The following PFKP variants were observed in gnomAD, a reference collection of about 807,000 sequenced individuals.
PFKP encodes ATP-dependent 6-phosphofructokinase, platelet type.
In PFKP, 101 loss-of-function variants were observed where a neutral mutation model predicts 94.3. The observed-to-expected ratio is 1.07, with a 90% CI of 0.91 to 1.26. The LOEUF is 1.26. PFKP is among the 50% of genes most tolerant of loss of function. The pLI is 0.00. For synonymous variants in PFKP, 573 were observed against 432.6 expected (o/e 1.32, Z -4.03); for missense variants, 1,145 against 1,103.3 (o/e 1.04, Z -0.53).
At chr10:3,134,229 T>A (rs1354967444) in intron 19 of PFKP, among the ~76,000 whole-genome samples, 1 of 152,196 alleles carries the variant, frequency 6.6e-6, no homozygotes, top group Non-Finnish European at 1.5e-5. Flanking sequence ...TGATTTAAGA[T>A]TTTAAAATAA....
intron 1 of PFKP, among the ~76,000 whole-genome samples, chr10:3,072,042 A>G (rs11598339): frequency 0.49 from 74,435 of 152,094 alleles, 19,154 homozygotes; most frequent in Non-Finnish European, 0.57. Flanking sequence ...GCCCAGCACC[A>G]TGCCTGGCGC....
chr10:3,120,132 T>C (rs1837254185), intron 16 of PFKP, 88 bp downstream of exon 16: 1 of 1,056,672 alleles, frequency 9.5e-7, no homozygotes. Flanking sequence ...GCGCTAGAAA[T>C]AGCCTTTTAC....
At chr10:3,081,288 C>T (rs866796105) in intron 1 of PFKP, among the ~76,000 whole-genome samples, 58 of 152,228 alleles carry the variant, frequency 3.8e-4, no homozygotes, top group Admixed American at 1.1e-3. Flanking sequence ...TCTTCTGAGC[C>T]GGTCACCGTC....
chr10:3,134,936 T>C (rs1839053707), intron 20 of PFKP, among the ~76,000 whole-genome samples: 1 of 152,262 alleles, frequency 6.6e-6, no homozygotes, highest in Non-Finnish European at 1.5e-5. Flanking sequence ...AACCTCCTTG[T>C]GACTATCCAT....
intron 11 of PFKP, 94 bp downstream of exon 11, chr10:3,112,380 T>A (rs755593624): frequency 3.4e-5 from 32 of 929,930 alleles, no homozygotes; most frequent in Non-Finnish European, 5.7e-5. Context: ...GCTTATTCCA[T>A]GTCACTGTGA....
At chr10:3,076,299 G>A (rs914704358) in intron 1 of PFKP, among the ~76,000 whole-genome samples, 1 of 152,082 alleles carries the variant, frequency 6.6e-6, no homozygotes, top group Non-Finnish European at 1.5e-5. Flanking sequence ...GTGTTTTTGC[G>A]AAGGCTCTGA....
intron 2 of PFKP, among the ~76,000 whole-genome samples, chr10:3,093,876 C>A (rs1220291418): frequency 6.6e-6 from 1 of 152,136 alleles, no homozygotes; most frequent in African/African-American, 2.4e-5. Context: ...ATCTCCTGAC[C>A]TTGTGATCCG....
At chr10:3,098,040 TATA>T (rs1285726103) in intron 2 of PFKP, among the ~76,000 whole-genome samples, 1 of 152,112 alleles carries the variant, frequency 6.6e-6, no homozygotes, top group East Asian at 1.9e-4. Flanking sequence ...CACATATATA[TATA>T]ATATTTCTGG....
In PFKP at chr10:3,109,428, C is replaced by G; in HGVS notation, c.1037C>G (p.Ser346Ter). The G allele has an allele frequency of 6.2e-7, 1 of 1,609,232 alleles. No individual in the cohort carries two copies. The change falls in exon 10 of 22, where the codon TCA (serine) becomes TGA (stop). Residue 346 changes from serine (S) to a stop codon, truncating the protein, a stop_gained. Transcript: ENST00000381125. LOFTEE classifies it high-confidence loss of function. ...ATPDTPACVV[S>*]LNGNHAVRLP... is the part of the protein sequence containing the mutation. The stretch of plus-strand genomic sequence containing the variant: ...CCGGACACCCCAGCTTGCGTCGTGT[C>G]ACTGAACGGGAACCACGCCGTGCGC...
At chr10:3,102,245 T>G (rs1169255575) in intron 4 of PFKP, among the ~76,000 whole-genome samples, 1 of 38,918 alleles carries the variant, frequency 2.6e-5, no homozygotes, top group Non-Finnish European at 5.7e-5. Flanking sequence ...AGCGAGACTC[T>G]GTCTCAAAAA....
At chr10:3,096,175 A>T (rs1297523529) in intron 2 of PFKP, among the ~76,000 whole-genome samples, 1 of 152,160 alleles carries the variant, frequency 6.6e-6, no homozygotes, top group Non-Finnish European at 1.5e-5. Flanking sequence ...ATGGCATATT[A>T]ACTAGTAAAA....
chr10:3,100,885 C>T (rs748301379), intron 3 of PFKP: 3 of 899,080 alleles, frequency 3.3e-6, no homozygotes, highest in Admixed American at 5.0e-5. Context: ...AAAAAAAATC[C>T]CCCTGGCCCC....
chr10:3,069,081 C>T (rs1831975624), intron 1 of PFKP, among the ~76,000 whole-genome samples: 1 of 151,348 alleles, frequency 6.6e-6, no homozygotes, highest in Non-Finnish European at 1.5e-5. Context: ...CTCCACGAGC[C>T]CCGGCCCCGA....
chr10:3,121,793 C>CT lies in PFKP; in HGVS notation c.1683+1758dup, dbSNP rs140725084. 8.7e-4 allele frequency among the ~76,000 whole-genome samples: 84 copies of CT among 96,838 alleles called. 2 individuals are homozygous for CT. In the East Asian group the frequency reaches 0.015, roughly 17 times the overall value. 63.5% of individuals were successfully genotyped at this position (96,838 alleles called of 152,430 possible). A position where few individuals can be genotyped will look rare whatever the true frequency, so the allele number is the denominator to read the frequency against. ...TTCTCGAAGCTAGGTTAAACAATTT[C>CT]TTTTTTTTTCTTTTTTTTTTTTTTT... On this transcript the variant is annotated intron_variant, in intron 16 of 21. Transcript: ENST00000381125.
At position 3,082,805 on chromosome 10, in the gene PFKP, T is replaced by C. The variant is rs147913412; in HGVS notation, c.186+344T>C. Among the ~76,000 whole-genome samples, 3 of 152,302 alleles carry C rather than the reference T, an allele frequency of 2.0e-5. No individual in the cohort carries two copies. In the East Asian group the frequency reaches 5.8e-4, roughly 29 times the overall value. ...ACGATCTTGGCTCACTGCAACCTGC[T>C]GGGTTCAAGCAATTTTCTGCCTCAG... is the stretch of plus-strand genomic sequence containing the variant. On this transcript the variant is annotated intron_variant, in intron 2 of 21. Coordinates refer to ENST00000381125, the MANE Select transcript of PFKP (RefSeq NM_002627.5).
chr10:3,111,373 T>G (rs559235327), intron 10 of PFKP, among the ~76,000 whole-genome samples: 71 of 152,002 alleles, frequency 4.7e-4, no homozygotes, highest in African/African-American at 1.7e-3. Flanking sequence ...TGTGCCTGTG[T>G]GCATGTGAGA....
intron 16 of PFKP, 137 bp downstream of exon 16, chr10:3,120,181 C>A: frequency 1.4e-6 from 1 of 734,146 alleles, no homozygotes; most frequent in Non-Finnish European, 2.2e-6. Context: ...TTTTTTTCCC[C>A]CAGAAAAGTA....
At position 3,132,301 on chromosome 10, in the gene PFKP, T is replaced by C; in HGVS notation, c.1849-79T>C. On this transcript the variant is annotated intron_variant, in intron 17 of 21. Coordinates refer to ENST00000381125, the MANE Select transcript of PFKP (RefSeq NM_002627.5). The stretch of plus-strand genomic sequence containing the variant: ...GCTCACTGCCACACTTGGTTGGCAC[T>C]TCCCAGCCTGCAGTGCCTGGCACAC... 2.8e-6 allele frequency: 3 copies of C among 1,055,092 alleles called. No homozygotes were observed. The Admixed American group carries it at 5.3e-5, about 19-fold the overall frequency. The allele number at this position is 1,055,092 out of a possible 1,614,324, so 65.4% of individuals were successfully genotyped here.
intron 16 of PFKP, chr10:3,128,968 T>C (rs1453311221): frequency 1.3e-5 from 2 of 152,296 alleles, no homozygotes; most frequent in African/African-American, 4.8e-5. Context: ...AAAGGCTTGA[T>C]GTGTACTTGA....
Sources: gnomAD v4.1 joint callset for allele counts (sites outside exome capture counted in the v4.1 genomes callset) on GRCh38, gnomAD v4.1.1 for gene constraint, MANE v1.5 for transcripts, NCBI Gene and HGNC (gene_info 2026-07-23, HGNC 2026-07-21) for gene names.